Variants in CXCL13 observed in about 807,000 individuals in gnomAD.
CXCL13 encodes C-X-C motif chemokine 13.
In CXCL13, 7 loss-of-function variants were observed where a neutral mutation model predicts 12.2. The observed-to-expected ratio is 0.57, with a 90% confidence interval of 0.33 to 1.07. The LOEUF is 1.07. Among genes scored for constraint, CXCL13 ranks in the 50% least tolerant of loss-of-function variants. CXCL13 has a pLI of 0.04. For synonymous variants in CXCL13, 47 were observed against 42.4 expected (o/e 1.11, Z -0.42); for missense variants, 113 against 127.4 (o/e 0.89, Z 0.55).
chr4:77,551,399 G>T (rs1455736274), intron 1 of CXCL13, among the ~76,000 whole-genome samples: 2 of 152,198 alleles, frequency 1.3e-5, no homozygotes, highest in African/African-American at 4.8e-5. Context: ...GGTGGGATAA[G>T]AAATTGTTGG....
intron 1 of CXCL13, among the ~76,000 whole-genome samples, chr4:77,525,514 G>A (rs1724741152): frequency 6.6e-6 from 1 of 152,072 alleles, no homozygotes; most frequent in Non-Finnish European, 1.5e-5. Context: ...AGTGTTGTTA[G>A]TATTTTTCTA....
At chr4:77,599,362 CT>C (rs1400388548) in intron 1 of CXCL13, among the ~76,000 whole-genome samples, 1 of 151,950 alleles carries the variant, frequency 6.6e-6, no homozygotes, top group African/African-American at 2.4e-5. Flanking sequence ...CTTATAATAC[CT>C]AATACAATGT....
At chr4:77,581,174 T>G (rs1344203607) in intron 1 of CXCL13, among the ~76,000 whole-genome samples, 1 of 152,200 alleles carries the variant, frequency 6.6e-6, no homozygotes, top group Non-Finnish European at 1.5e-5. Context: ...TGCTCTGTGG[T>G]GATGGTTACA....
chr4:77,543,353 A>G lies in CXCL13; in HGVS notation c.-43+31565A>G, dbSNP rs1243953713. ...TTCTTTGTATGGATTTTTGGATCTC[A>G]ATCATTCAGTACTGCTCTGAGTTTA... On this transcript the variant is annotated intron_variant, in intron 1 of 4. Coordinates refer to the CXCL13 transcript ENST00000286758. Among the ~76,000 whole-genome samples the G allele has an allele frequency of 2.0e-5, 3 of 152,134 alleles. No individual in the cohort carries two copies. The East Asian group carries it at 5.8e-4, about 29-fold the overall frequency.
chr4:77,581,926 T>A (rs986136358), intron 1 of CXCL13, among the ~76,000 whole-genome samples: 3 of 152,208 alleles, frequency 2.0e-5, no homozygotes, highest in Non-Finnish European at 2.9e-5. Context: ...AATTTTGGTT[T>A]CTATTACTCT....
At chr4:77,557,355 G>A (rs923535327) in intron 1 of CXCL13, among the ~76,000 whole-genome samples, 1 of 152,152 alleles carries the variant, frequency 6.6e-6, no homozygotes, top group Admixed American at 6.5e-5. Context: ...GGCTGCTGCA[G>A]GGGGCCTGGA....
intron 1 of CXCL13, among the ~76,000 whole-genome samples, chr4:77,552,204 C>T (rs1289665716): frequency 6.6e-6 from 1 of 152,166 alleles, no homozygotes; most frequent in African/African-American, 2.4e-5. Context: ...CCTAGAGATG[C>T]TAGCACTTCT....
chr4:77,596,905 A>G (rs1726782595), intron 1 of CXCL13, among the ~76,000 whole-genome samples: 1 of 152,214 alleles, frequency 6.6e-6, no homozygotes, highest in Non-Finnish European at 1.5e-5. Flanking sequence ...CGTGGGAATG[A>G]CCTAAGTGTC....
rs191819592 is a variant in CXCL13 at position 77,600,263 on chromosome 4, A to G, written c.-42-5561A>G. Reference sequence around the variant, plus strand: ...ACACACCCCTAGGGAGAGAGTACACAGTGAGAGGAGCGGAATAGCTAGTTA... The same window carrying G: ...ACACACCCCTAGGGAGAGAGTACACGGTGAGAGGAGCGGAATAGCTAGTTA... On this transcript the variant is annotated intron_variant, in intron 1 of 4. Transcript: ENST00000286758. Among the ~76,000 whole-genome samples, 563 of 152,218 alleles carry G rather than the reference A, an allele frequency of 3.7e-3. 1 individual carries two copies. Among genetic ancestry groups the G allele is most frequent in the Non-Finnish European group, 5.5e-3 (377 of 68,016 alleles).
At chr4:77,533,949 A>G (rs766694257) in intron 1 of CXCL13, among the ~76,000 whole-genome samples, 1 of 152,208 alleles carries the variant, frequency 6.6e-6, no homozygotes, top group African/African-American at 2.4e-5. Context: ...TTCTTTGATT[A>G]GGAAAGGGAA....
At chr4:77,530,447 T>C (rs1438144352) in intron 1 of CXCL13, among the ~76,000 whole-genome samples, 1 of 152,224 alleles carries the variant, frequency 6.6e-6, no homozygotes, top group Non-Finnish European at 1.5e-5. Context: ...ATTGCATCAA[T>C]TTCAGAGCCT....
At chr4:77,588,060 C>A (rs1726520755) in intron 1 of CXCL13, among the ~76,000 whole-genome samples, 1 of 152,218 alleles carries the variant, frequency 6.6e-6, no homozygotes, top group Non-Finnish European at 1.5e-5. Flanking sequence ...GCACCAGTAT[C>A]CATGGCCAAG....
At chr4:77,594,746 G>T (rs567914565) in intron 1 of CXCL13, among the ~76,000 whole-genome samples, 1 of 152,248 alleles carries the variant, frequency 6.6e-6, no homozygotes, top group South Asian at 2.1e-4. Flanking sequence ...CACTGTTCAG[G>T]CCTGTCGGGG....
Position 77,547,239 on chromosome 4 carries a change from G to A in CXCL13, c.-43+35451G>A, listed in dbSNP as rs138223160. Among the ~76,000 whole-genome samples the A allele has an allele frequency of 4.4e-3, 672 of 152,274 alleles. 17 individuals carry two copies. Among genetic ancestry groups the A allele is most frequent in the East Asian group, 0.026 (137 of 5,188 alleles). ...CTGTTGGAGCATTCTGTAGATGTCT[G>A]TTAGGTCTGCTTGGTGCAGAGCTGA... On this transcript the variant is annotated intron_variant, in intron 1 of 4. Coordinates refer to the CXCL13 transcript ENST00000286758.
chr4:77,563,429 C>A (rs865933746), intron 1 of CXCL13, among the ~76,000 whole-genome samples: 1 of 152,136 alleles, frequency 6.6e-6, no homozygotes, highest in Non-Finnish European at 1.5e-5. Context: ...AATAATGCAC[C>A]TTTTATTAAT....
At chr4:77,536,587 A>G (rs1725062760) in intron 1 of CXCL13, among the ~76,000 whole-genome samples, 1 of 152,238 alleles carries the variant, frequency 6.6e-6, no homozygotes, top group Non-Finnish European at 1.5e-5. Context: ...TGGAGATCAA[A>G]TTAGTTAATA....
intron 2 of CXCL13, among the ~76,000 whole-genome samples, chr4:77,609,684 TAG>T (rs1207988172): frequency 6.6e-6 from 1 of 152,158 alleles, no homozygotes; most frequent in Non-Finnish European, 1.5e-5. Context: ...CAATAGAGGG[TAG>T]AGTCTCCCAG....
chr4:77,516,771 A>G (rs1321277463), intron 1 of CXCL13, among the ~76,000 whole-genome samples: 1 of 152,012 alleles, frequency 6.6e-6, no homozygotes, highest in Non-Finnish European at 1.5e-5. Context: ...TCCTGGATTC[A>G]TTAATTTTTT....
intron 1 of CXCL13, among the ~76,000 whole-genome samples, chr4:77,590,655 T>C (rs1014507443): frequency 1.9e-4 from 29 of 152,362 alleles, no homozygotes; most frequent in African/African-American, 7.0e-4. Context: ...GGCATGACAG[T>C]AGCCCATGAA....
Sources: gnomAD v4.1 joint callset for allele counts (sites outside exome capture counted in the v4.1 genomes callset) on GRCh38, gnomAD v4.1.1 for gene constraint, MANE v1.5 for transcripts, NCBI Gene and HGNC (gene_info 2026-07-23, HGNC 2026-07-21) for gene names.